The following SVIL variants were observed in gnomAD, a reference collection of about 807,000 sequenced individuals.
SVIL encodes the protein archvillin.
SVIL carries 101 observed loss-of-function variants against 240.4 expected under a neutral mutation model. That is an observed-to-expected ratio of 0.42 (90% CI 0.36 to 0.50). SVIL has a LOEUF of 0.50. Ranked by LOEUF, SVIL falls within the 20% of genes least tolerant of loss-of-function variation. The probability of loss-of-function intolerance (pLI) is 0.01; values close to 1 mark genes in which losing one functional copy is unlikely to be tolerated. For missense variants in SVIL, 2,512 were observed against 2,818.7 expected, an observed-to-expected ratio of 0.89 and a Z score of 2.46; for synonymous variants, 999 against 1,100.0, an observed-to-expected ratio of 0.91 and a Z score of 1.82.
chr10:29,698,696 C>T (rs534444271), intron 1 of SVIL, among the ~76,000 whole-genome samples: 1 of 115,854 alleles, frequency 8.6e-6, no homozygotes, highest in Non-Finnish European at 1.7e-5. Flanking sequence ...CTGCATGAGT[C>T]ATATTACTCC....
At chr10:29,466,776 A>ATAT (rs1944977490) in intron 33 of SVIL, among the ~76,000 whole-genome samples, 2 of 152,226 alleles carry the variant, frequency 1.3e-5, no homozygotes, top group African/African-American at 4.8e-5. Context: ...TTTAAAATAG[A>ATAT]TATTATATAT....
At chr10:29,677,367 G>A (rs1421601884) in intron 2 of SVIL, among the ~76,000 whole-genome samples, 5 of 152,154 alleles carry the variant, frequency 3.3e-5, no homozygotes, top group African/African-American at 9.7e-5. Context: ...TCTGCCAAGA[G>A]AACCAAGCAT....
At chr10:29,533,509 A>G in intron 7 of SVIL, 51 bp from the exon 8 acceptor site, 2 of 1,560,480 alleles carry the variant, frequency 1.3e-6, no homozygotes, top group Non-Finnish European at 8.7e-7. Flanking sequence ...ACGGCCTCAC[A>G]GGAGGAAAGC....
intron 3 of SVIL, among the ~76,000 whole-genome samples, chr10:29,557,145 G>C (rs1954006633): frequency 6.6e-6 from 1 of 151,802 alleles, no homozygotes; most frequent in South Asian, 2.1e-4. Flanking sequence ...ACCCAGGCTG[G>C]AGTGTAGAGG....
chr10:29,559,261 C>T (rs552896513), intron 3 of SVIL, among the ~76,000 whole-genome samples: 5 of 151,908 alleles, frequency 3.3e-5, no homozygotes, highest in African/African-American at 9.6e-5. Flanking sequence ...ATATCCTTCA[C>T]AATATGTTAA....
chr10:29,683,007 G>A (rs1177000076), intron 2 of SVIL, among the ~76,000 whole-genome samples: 5 of 152,246 alleles, frequency 3.3e-5, no homozygotes, highest in Non-Finnish European at 7.3e-5. Flanking sequence ...GAGTGGCCAA[G>A]GGCCCATGAC....
chr10:29,604,014 C>T (rs1956913731), intron 1 of SVIL, among the ~76,000 whole-genome samples: 1 of 152,088 alleles, frequency 6.6e-6, no homozygotes, highest in Non-Finnish European at 1.5e-5. Flanking sequence ...AATATTTCCG[C>T]CCCCTTCCCC....
rs1329836790 is a variant in SVIL at position 29,509,320 on chromosome 10, GGAGGGGGAGGGAGA to G, written c.3516+3401_3516+3414del. On this transcript the variant is annotated intron_variant, in intron 17 of 37. Transcript: ENST00000355867. ...AAGAGGGGGAGAGAGAAAGGGAGAAGGAGGGGGAGGGAGAGAGAGAGAGAGAGAGAGAGAGAGAG... is the reference window on the plus strand; with the variant it reads ...AAGAGGGGGAGAGAGAAAGGGAGAAGGAGAGAGAGAGAGAGAGAGAGAGAG... Among the ~76,000 whole-genome samples, 126 of 86,920 alleles carry G rather than the reference GGAGGGGGAGGGAGA, an allele frequency of 1.4e-3. 1 individual carries two copies. The highest frequency in any genetic ancestry group is 1.5e-3 in the South Asian group (3 of 1,982). 57.0% of individuals were successfully genotyped at this position (86,920 alleles called of 152,430 possible).
At chr10:29,468,366 A>G (rs999717682) in intron 32 of SVIL, among the ~76,000 whole-genome samples, 2 of 152,090 alleles carry the variant, frequency 1.3e-5, no homozygotes, top group African/African-American at 4.8e-5. Flanking sequence ...GTTGGTAGAT[A>G]TTTGGGTTAT....
rs1189066096 is a variant in SVIL, at chr10:29,522,555, A to T, written c.3244T>A (p.Ser1082Thr). 6.2e-7 allele frequency: 1 copy of T among 1,614,172 alleles called. No individual in the cohort carries two copies. The highest frequency in any genetic ancestry group is 2.2e-5 in the East Asian group (1 of 44,886). ...TCCGAAGAATCCTGGGGCTTCCAGGACACGGGGGCTGTGGTTTGAGCAATA... is the reference window on the plus strand; with the variant it reads ...TCCGAAGAATCCTGGGGCTTCCAGGTCACGGGGGCTGTGGTTTGAGCAATA... Reference protein sequence around the residue: ...KTIAQTTAPVSWKPQDSSEQP... With the variant: ...KTIAQTTAPVTWKPQDSSEQP... Residue 1082 changes from serine (S) to threonine (T), a missense_variant, in exon 16 of 38, where the codon TCC becomes ACC. Physicochemically the swap from Ser to Thr is moderately conservative, Grantham distance 58. This residue lies in a region of SVIL where 1,443 missense variants were observed against 1,486.6 expected (regional missense o/e 0.97). Transcript: ENST00000355867.
chr10:29,524,617 C>T lies in SVIL; in HGVS notation c.2441G>A (p.Ser814Asn), dbSNP rs746241286. Reference protein sequence around the residue: ...EQGEPDSSTLSLAEKLALFNK... With the variant: ...EQGEPDSSTLNLAEKLALFNK... ...AAACAAGGCCAACTTTTCGGCCAAG[C>T]TTAGAGTGGAGGAATCAGGTTCTCC... The change falls in exon 14 of 38, where the codon AGC becomes AAC. Residue 814 changes from serine (S) to asparagine (N), a missense_variant. Transcript: ENST00000355867. 6.2e-7 allele frequency: 1 copy of T among 1,614,174 alleles called. No homozygotes were observed. Among genetic ancestry groups the T allele is most frequent in the Non-Finnish European group, 8.5e-7 (1 of 1,180,040 alleles).
intron 35 of SVIL, 101 bp downstream of exon 35, chr10:29,463,391 T>C (rs1432376342): frequency 7.1e-7 from 1 of 1,416,456 alleles, no homozygotes; most frequent in Non-Finnish European, 9.3e-7. Flanking sequence ...GGATGGATGC[T>C]GGCTGACATG....
intron 1 of SVIL, among the ~76,000 whole-genome samples, chr10:29,599,205 CAAGT>C (rs1956717709): frequency 6.6e-6 from 1 of 152,134 alleles, no homozygotes; most frequent in African/African-American, 2.4e-5. Context: ...CGAGTCTGGG[CAAGT>C]AAGAGATGAG....
upstream of SVIL, chr10:29,735,882 C>G (rs1364384729): frequency 6.6e-6 from 1 of 152,008 alleles, no homozygotes; most frequent in African/African-American, 2.4e-5. This position sits in a 1 kb window ranked among gnomAD's most constrained non-coding sequence, Gnocchi z 4.1. Flanking sequence ...AGCGGGTCCC[C>G]GCTCGGGATG....
chr10:29,546,411 A>G (rs1171875191), intron 6 of SVIL, among the ~76,000 whole-genome samples: 2 of 152,244 alleles, frequency 1.3e-5, no homozygotes, highest in African/African-American at 4.8e-5. Context: ...ATTCCTGGGC[A>G]TCTAACAGGA....
chr10:29,670,722 C>T (rs1419895353), intron 2 of SVIL, among the ~76,000 whole-genome samples: 1 of 152,122 alleles, frequency 6.6e-6, no homozygotes, highest in Non-Finnish European at 1.5e-5. Context: ...GAATGTAAAA[C>T]GGTATGGAAT....
rs1028745651 is a variant in SVIL, at chr10:29,506,147, G to A, written c.3516+6588C>T. Among the ~76,000 whole-genome samples the A allele has an allele frequency of 3.9e-5, 6 of 152,052 alleles. No homozygotes were observed. In the South Asian group the frequency reaches 8.3e-4, roughly 21 times the overall value. Reference sequence around the variant, plus strand: ...CCTAGTTGGTTGAATCCTTGGATGCGGAACTGGAAGAGATGAAGGGCCGAC... The same window carrying A: ...CCTAGTTGGTTGAATCCTTGGATGCAGAACTGGAAGAGATGAAGGGCCGAC... On this transcript the variant is annotated intron_variant, in intron 17 of 37. Coordinates refer to ENST00000355867, the MANE Select transcript of SVIL (RefSeq NM_021738.3).
chr10:29,536,510 T>C (rs1951751489), intron 6 of SVIL, among the ~76,000 whole-genome samples: 1 of 152,238 alleles, frequency 6.6e-6, no homozygotes, highest in African/African-American at 2.4e-5. Context: ...ATTCACTTCA[T>C]GGAGTTTCCA....
chr10:29,728,819 G>A (rs2132713050), intron 1 of SVIL, among the ~76,000 whole-genome samples: 1 of 152,296 alleles, frequency 6.6e-6, no homozygotes, highest in African/African-American at 2.4e-5. Flanking sequence ...TCAAAGAGCA[G>A]GCTGGGGAGT....
Sources: allele counts gnomAD v4.1 joint callset (sites outside exome capture counted in the v4.1 genomes callset), GRCh38; gene constraint gnomAD v4.1.1; regional missense constraint gnomAD v4.1.1; non-coding constraint Gnocchi (gnomAD v3.1); transcripts MANE v1.5; gene names NCBI Gene and HGNC (gene_info 2026-07-23, HGNC 2026-07-21).